Variants in NVL observed in about 807,000 individuals in gnomAD.
NVL encodes the protein nuclear valosin-containing protein-like.
A neutral mutation model predicts 110.2 loss-of-function variants in NVL; 84 were observed. The observed-to-expected ratio is 0.76, with a 90% CI of 0.64 to 0.91. The LOEUF (loss-of-function observed/expected upper bound fraction) is 0.91, where lower values mean the gene tolerates loss of function less well. NVL is among the 40% of genes least tolerant of loss of function. The pLI, the probability that NVL is intolerant of heterozygous loss-of-function variation, is 0.00. For synonymous variants in NVL, 354 were observed against 361.1 expected (o/e 0.98, Z 0.22); for missense variants, 882 against 1,035.9 (o/e 0.85, Z 2.04).
rs1225455500 is a variant in NVL at position 224,317,931 on chromosome 1, C to T, written c.132-1G>A. On this transcript the variant is annotated splice_acceptor_variant, in intron 2 of 22. Transcript: ENST00000281701. LOFTEE classifies it high-confidence loss of function. ...TCTTTTTCTTCGACCATAGTCTATA[C>T]TGAAAAAAGAAAACAAGAAGTTTAC... 5 of 1,582,858 alleles carry T rather than the reference C, an allele frequency of 3.2e-6. No homozygotes were observed. The highest frequency in any genetic ancestry group is 4.3e-6 in the Non-Finnish European group (5 of 1,164,438).
At chr1:224,251,742 A>G (rs1662530258) in intron 18 of NVL, among the ~76,000 whole-genome samples, 2 of 152,158 alleles carry the variant, frequency 1.3e-5, no homozygotes, top group Non-Finnish European at 2.9e-5. Context: ...CCTATCTCAG[A>G]TAATGATCAC....
intron 17 of NVL, among the ~76,000 whole-genome samples, chr1:224,274,639 A>AAAAAAT (rs1300993804): frequency 3.3e-5 from 5 of 152,204 alleles, no homozygotes; most frequent in African/African-American, 1.2e-4. Context: ...TCCGTCTCGA[A>AAAAAAT]AAAAATAAAA....
chr1:224,324,239 T>C (rs1370188123), intron 2 of NVL, among the ~76,000 whole-genome samples: 1 of 152,196 alleles, frequency 6.6e-6, no homozygotes, highest in African/African-American at 2.4e-5. Flanking sequence ...TATGATGTAA[T>C]AATCTTATGG....
rs535024799 is a variant in NVL, at chr1:224,242,883, C to T, written c.2290-6301G>A. Among the ~76,000 whole-genome samples the T allele has an allele frequency of 1.1e-4, 16 of 141,732 alleles. No homozygotes were observed. The South Asian group carries it at 3.2e-3, about 28-fold the overall frequency. The allele number at this position is 141,732 out of a possible 152,430, so 93.0% of individuals were successfully genotyped here. A position where few individuals can be genotyped will look rare whatever the true frequency, so the allele number is the denominator to read the frequency against. Reference sequence around the variant, plus strand: ...TCCTGTTGCCCAGGCTGGAGTGCAACGGCGCGATCTTGGCTCACTGCAACC... The same window carrying T: ...TCCTGTTGCCCAGGCTGGAGTGCAATGGCGCGATCTTGGCTCACTGCAACC... On this transcript the variant is annotated intron_variant, in intron 19 of 22. Transcript: ENST00000281701.
chr1:224,318,035 T>TA lies in NVL; in HGVS notation c.132-106dup, dbSNP rs1374954109. The TA allele has an allele frequency of 2.0e-5, 15 of 739,360 alleles. No individual in the cohort carries two copies. In the African/African-American group the frequency reaches 2.5e-4, roughly 12 times the overall value. 45.8% of individuals were successfully genotyped at this position (739,360 alleles called of 1,614,324 possible). A position where few individuals can be genotyped will look rare whatever the true frequency, so the allele number is the denominator to read the frequency against. ...TAAATTTTCATGAATATTTCATTGTTACAGTATAGACACTTGCCATAACCC... is the reference window on the plus strand; with the variant it reads ...TAAATTTTCATGAATATTTCATTGTTAACAGTATAGACACTTGCCATAACCC... On this transcript the variant is annotated intron_variant, in intron 2 of 22. Coordinates refer to ENST00000281701, the MANE Select transcript of NVL (RefSeq NM_002533.4).
At position 224,275,396 on chromosome 1, in the gene NVL, G is replaced by A. The variant is rs140910184; in HGVS notation, c.2025C>T (p.Pro675=). The change falls in exon 17 of 23, where the codon CCC becomes CCT. Residue 675 remains proline (P), a synonymous_variant. Coordinates refer to ENST00000281701, the MANE Select transcript of NVL (RefSeq NM_002533.4). ...CCACTTCATCAAAGAATATCACACA[G>A]GGTGCTGAGTTCTTGGCTCGTTGAA... ...QVFQRAKNSA[P]CVIFFDEVDA... is the part of the protein sequence containing the mutation. 5.6e-6 allele frequency: 9 copies of A among 1,613,988 alleles called. No individual in the cohort carries two copies. The Admixed American group carries it at 1.2e-4, about 21-fold the overall frequency.
intron 2 of NVL, among the ~76,000 whole-genome samples, chr1:224,322,576 T>C (rs560838977): frequency 6.6e-6 from 1 of 152,294 alleles, no homozygotes; most frequent in East Asian, 1.9e-4. Context: ...GTAGAAATGG[T>C]TTCAGAACTA....
intron 2 of NVL, among the ~76,000 whole-genome samples, chr1:224,323,182 T>G (rs1031279903): frequency 6.6e-6 from 1 of 152,234 alleles, no homozygotes; most frequent in Non-Finnish European, 1.5e-5. Flanking sequence ...TGTGTTTTAC[T>G]GTTTTAAAAG....
chr1:224,283,940 T>C (rs192001324), intron 15 of NVL, among the ~76,000 whole-genome samples: 5 of 152,358 alleles, frequency 3.3e-5, no homozygotes, highest in Admixed American at 3.3e-4. Flanking sequence ...TATGGATATT[T>C]GATATTTACT....
In NVL at chr1:224,305,107, A is replaced by G. The variant is rs764652291; in HGVS notation, c.675T>C (p.Asn225=). The change falls in exon 7 of 23, where the codon AAT becomes AAC. Residue 225 remains asparagine, a synonymous_variant. Coordinates refer to ENST00000281701, the MANE Select transcript of NVL (RefSeq NM_002533.4). The part of the protein sequence containing the change: ...SDMKRKGKLK[N]KGSKRKKEDL... Reference sequence around the variant, plus strand: ...CTTCTTTCTTCCTTTTGCTTCCTTTATTCTTTAGCTTGCCTTTCCGTTTCA... The same window carrying G: ...CTTCTTTCTTCCTTTTGCTTCCTTTGTTCTTTAGCTTGCCTTTCCGTTTCA... 1 of 1,613,690 alleles carries G rather than the reference A, an allele frequency of 6.2e-7. No homozygotes were observed. Among genetic ancestry groups the G allele is most frequent in the South Asian group, 1.1e-5 (1 of 91,060 alleles).
chr1:224,267,965 C>G, intron 18 of NVL, 69 bp downstream of exon 18: 1 of 1,041,796 alleles, frequency 9.6e-7, no homozygotes, highest in South Asian at 1.4e-5. Flanking sequence ...TTTTAATTAT[C>G]TGAATCTCTT....
intron 17 of NVL, 73 bp downstream of exon 17, chr1:224,275,266 A>C: frequency 6.4e-7 from 1 of 1,569,338 alleles, no homozygotes; most frequent in African/African-American, 1.4e-5. Flanking sequence ...TTCATAAGAA[A>C]TACCTGGCTT....
chr1:224,264,667 T>TCACG (rs1324277505), intron 18 of NVL, among the ~76,000 whole-genome samples: 2 of 152,166 alleles, frequency 1.3e-5, no homozygotes, highest in Non-Finnish European at 1.5e-5. Flanking sequence ...CAAAACAATG[T>TCACG]CACGTGATAG....
chr1:224,273,922 C>G (rs1466192956), intron 17 of NVL, among the ~76,000 whole-genome samples: 1 of 151,948 alleles, frequency 6.6e-6, no homozygotes, highest in Non-Finnish European at 1.5e-5. Context: ...AAATGTGAGT[C>G]ACATTTATTT....
At chr1:224,241,792 G>T (rs912244719) in intron 19 of NVL, among the ~76,000 whole-genome samples, 16 of 150,622 alleles carry the variant, frequency 1.1e-4, no homozygotes, top group Admixed American at 2.7e-4. Context: ...GGAAGAGGAG[G>T]TTGCAGTGAG....
intron 17 of NVL, among the ~76,000 whole-genome samples, chr1:224,269,084 CTTTT>C (rs34790130): frequency 1.5e-4 from 15 of 97,912 alleles, no homozygotes; most frequent in African/African-American, 1.1e-4. Context: ...GTGAGACTAA[CTTTT>C]TTTTTTTTTT....
chr1:224,231,351 A>C, intron 21 of NVL, 55 bp from the exon 22 acceptor site: 2 of 1,410,656 alleles, frequency 1.4e-6, no homozygotes, highest in Admixed American at 1.7e-5. Context: ...TAACTGACTT[A>C]GAACTTAACT....
At chr1:224,330,032 C>A (rs772586949) in intron 1 of NVL, 39 bp downstream of exon 1, 5 of 1,607,062 alleles carry the variant, frequency 3.1e-6, no homozygotes, top group Middle Eastern at 1.7e-4. Flanking sequence ...GGGCAGCGAT[C>A]GGGGCCCTTG....
intron 12 of NVL, among the ~76,000 whole-genome samples, chr1:224,293,112 C>T (rs940591517): frequency 1.3e-5 from 2 of 150,946 alleles, no homozygotes; most frequent in African/African-American, 4.9e-5. Context: ...CTCTGTCGCC[C>T]AGGCTGGAGT....
Sources: gnomAD v4.1 joint callset for allele counts (sites outside exome capture counted in the v4.1 genomes callset) on GRCh38, gnomAD v4.1.1 for gene constraint, MANE v1.5 for transcripts, NCBI Gene and HGNC (gene_info 2026-07-23, HGNC 2026-07-21) for gene names.